The following TRDMT1 variants were observed in gnomAD, a reference collection of about 807,000 sequenced individuals.
The protein encoded by TRDMT1 is tRNA aspartic acid methyltransferase 1, also known as tRNA (cytosine(38)-C(5))-methyltransferase.
TRDMT1 carries 49 observed loss-of-function variants against 51.2 expected under a neutral mutation model. The ratio of observed to expected loss-of-function variants is 0.96; its 90% CI spans 0.76 to 1.21. The LOEUF (loss-of-function observed/expected upper bound fraction) is 1.21. Among genes scored for constraint, TRDMT1 ranks in the 50% most tolerant of loss-of-function variants. The pLI, the probability that TRDMT1 is intolerant of heterozygous loss-of-function variation, is 0.00. For synonymous variants in TRDMT1, 187 were observed against 164.6 expected, an observed-to-expected ratio of 1.14 and a Z score of -1.04; for missense variants, 534 against 462.3, an observed-to-expected ratio of 1.16 and a Z score of -1.42.
chr10:17,145,111 G>A lies in TRDMT1; in HGVS notation c.*3929C>T. The A allele has an allele frequency of 1.7e-6, 1 of 578,696 alleles. No individual in the cohort carries two copies. The highest frequency in any genetic ancestry group is 2.2e-6 in the Non-Finnish European group (1 of 458,500). The allele number at this position is 578,696 out of a possible 1,614,324, so 35.8% of individuals were successfully genotyped here. ...CTAATACAAAAATTAGCTAGGTGTG[G>A]TGGCATGCGCCTGTAATCCCAGCTA... On this transcript the variant is annotated 3_prime_UTR_variant, in exon 11 of 11. Coordinates refer to ENST00000377799, the MANE Select transcript of TRDMT1 (RefSeq NM_004412.7).
rs1358622413 is a variant in TRDMT1, at chr10:17,145,004, T to C, written c.*4036A>G. On this transcript the variant is annotated 3_prime_UTR_variant, in exon 11 of 11. Coordinates refer to ENST00000377799, the MANE Select transcript of TRDMT1 (RefSeq NM_004412.7). Reference sequence around the variant, plus strand: ...GGCTCATGCCTGTAAAACCCAGCACTTAGGGAAGCCAAGGTGGGTGGATTA... The same window carrying C: ...GGCTCATGCCTGTAAAACCCAGCACCTAGGGAAGCCAAGGTGGGTGGATTA... 3.1e-5 allele frequency: 30 copies of C among 982,388 alleles called. No individual in the cohort carries two copies. Among genetic ancestry groups the C allele is most frequent in the Non-Finnish European group, 3.5e-5 (29 of 827,422 alleles). 60.9% of individuals were successfully genotyped at this position (982,388 alleles called of 1,614,324 possible). A position where few individuals can be genotyped will look rare whatever the true frequency, so the allele number is the denominator to read the frequency against.
chr10:17,201,468 A>AGTGTCCGCCCCACC, intron 1 of TRDMT1, 103 bp downstream of exon 1: 8 of 1,273,452 alleles, frequency 6.3e-6, no homozygotes, highest in African/African-American at 1.5e-5. Flanking sequence ...TCCGCCCCAC[A>AGTGTCCGCCCCACC]GTGTCCGCCC....
intron 2 of TRDMT1, chr10:17,171,792 C>G (rs1238251516): frequency 6.6e-6 from 1 of 152,406 alleles, no homozygotes; most frequent in African/African-American, 2.4e-5. Flanking sequence ...CAGCTTCATT[C>G]CTGGGTTTTC....
At position 17,161,513 on chromosome 10, in the gene TRDMT1, T is replaced by C. The variant is rs771272604; in HGVS notation, c.359A>G (p.Asn120Ser). 2.2e-6 allele frequency: 3 copies of C among 1,351,484 alleles called. No individual in the cohort carries two copies. The highest frequency in any genetic ancestry group is 3.0e-6 in the Non-Finnish European group (3 of 998,852). 83.7% of individuals were successfully genotyped at this position (1,351,484 alleles called of 1,614,324 possible). ...QKLPKYILLENVKGFEVSSTR... is the reference protein window; with the variant it reads ...QKLPKYILLESVKGFEVSSTR... ...AGAAGATACTTCAAAACCTTTAACA[T>C]TTTCCAAAAGAATATACTTTGGTAA... The change falls in exon 5 of 11, where the codon AAT (asparagine) becomes AGT (serine). Residue 120 changes from asparagine (N) to serine (S), a missense_variant. Physicochemically the swap from Asn to Ser is conservative, Grantham distance 46. Transcript: ENST00000377799.
intron 1 of TRDMT1, among the ~76,000 whole-genome samples, chr10:17,188,460 ACGCTGG>A (rs3055384): frequency 0.95 from 143,839 of 151,838 alleles, 68,510 homozygotes; most frequent in Non-Finnish European, 1. Context: ...AGCATGACTG[ACGCTGG>A]CGCTGGCTCT....
chr10:17,174,725 A>C, intron 1 of TRDMT1, 65 bp from the exon 2 acceptor site: 1 of 1,203,776 alleles, frequency 8.3e-7, no homozygotes. Flanking sequence ...AAGAAATCAA[A>C]ATAGCAGAAT....
chr10:17,144,162 TTC>T lies in TRDMT1; in HGVS notation c.*4876_*4877del, dbSNP rs1215788845. 2.4e-5 allele frequency: 24 copies of T among 985,512 alleles called. No individual in the cohort carries two copies. The highest frequency in any genetic ancestry group is 2.9e-5 in the Non-Finnish European group (24 of 829,962). 61.0% of individuals were successfully genotyped at this position (985,512 alleles called of 1,614,324 possible). The stretch of plus-strand genomic sequence containing the variant: ...CAGCTCCAAGCCTCTGCTCTTCTTT[TTC>T]TCTTTCTCTCTTTCACTCTCATCCT... On this transcript the variant is annotated 3_prime_UTR_variant, in exon 11 of 11. Transcript: ENST00000377799.
At chr10:17,188,509 C>T (rs1844244089) in intron 1 of TRDMT1, among the ~76,000 whole-genome samples, 1 of 152,090 alleles carries the variant, frequency 6.6e-6, no homozygotes, top group South Asian at 2.1e-4. Context: ...ACAACGAATC[C>T]CTGCTCCCAC....
chr10:17,194,733 G>T (rs560659360), intron 1 of TRDMT1, among the ~76,000 whole-genome samples: 2 of 152,174 alleles, frequency 1.3e-5, no homozygotes, highest in South Asian at 4.2e-4. Flanking sequence ...AGGAGTTCCA[G>T]ACCAGCCTGG....
chr10:17,166,026 T>C (rs1353355947), intron 3 of TRDMT1, among the ~76,000 whole-genome samples: 3 of 152,146 alleles, frequency 2.0e-5, no homozygotes, highest in Non-Finnish European at 2.9e-5. Context: ...ACTGGGTATA[T>C]ACCCAAAGGA....
In TRDMT1 at chr10:17,146,669, T is replaced by C; in HGVS notation, c.*2371A>G. The stretch of plus-strand genomic sequence containing the variant: ...ACTGTAAGGTATGGTGAAGACTGAA[T>C]TACACATAGTTCTCCTGAAAATGAG... On this transcript the variant is annotated 3_prime_UTR_variant, in exon 11 of 11. Transcript: ENST00000377799. 1.0e-6 allele frequency: 1 copy of C among 985,348 alleles called. No individual in the cohort carries two copies. 61.0% of individuals were successfully genotyped at this position (985,348 alleles called of 1,614,324 possible).
chr10:17,147,092 T>C lies in TRDMT1; in HGVS notation c.*1948A>G, dbSNP rs1185442906. ...AACTCGACACTTATTTTGTATAATG[T>C]TGCTCAACCGAATGTGGGATACTAT... On this transcript the variant is annotated 3_prime_UTR_variant, in exon 11 of 11. Coordinates refer to ENST00000377799, the MANE Select transcript of TRDMT1 (RefSeq NM_004412.7). 2 of 985,706 alleles carry C rather than the reference T, an allele frequency of 2.0e-6. No homozygotes were observed. Among genetic ancestry groups the C allele is most frequent in the Non-Finnish European group, 2.4e-6 (2 of 829,902 alleles). The allele number at this position is 985,706 out of a possible 1,614,324, so 61.1% of individuals were successfully genotyped here.
At chr10:17,164,168 C>A (rs1840831310) in intron 3 of TRDMT1, among the ~76,000 whole-genome samples, 1 of 152,156 alleles carries the variant, frequency 6.6e-6, no homozygotes. Flanking sequence ...AGCTTATCCA[C>A]CATGATCAAG....
chr10:17,198,784 T>C (rs992923408), intron 1 of TRDMT1, among the ~76,000 whole-genome samples: 5 of 152,236 alleles, frequency 3.3e-5, no homozygotes, highest in African/African-American at 1.2e-4. Flanking sequence ...TTAAAAATAG[T>C]TTAAATGATA....
rs1383571923 is a variant in TRDMT1 at position 17,138,416 on chromosome 10, C to A, written c.*10624G>T. On this transcript the variant is annotated 3_prime_UTR_variant, in exon 11 of 11. Coordinates refer to ENST00000377799, the MANE Select transcript of TRDMT1 (RefSeq NM_004412.7). ...AGGGCAATATAACATTGTTCCAATT[C>A]TTTCATTTTCCATGAAGGATTACAT... Among the ~76,000 whole-genome samples the A allele has an allele frequency of 6.6e-6, 1 of 152,152 alleles. No homozygotes were observed.
rs1300476540 is a variant in TRDMT1, at chr10:17,146,618, G to A, written c.*2422C>T. On this transcript the variant is annotated 3_prime_UTR_variant, in exon 11 of 11. Transcript: ENST00000377799. ...GCCGTTTAAAAGAGCAGGGATGATG[G>A]GAAAAGGAGAACGAAAAATCGGTTT... 5.1e-6 allele frequency: 5 copies of A among 985,162 alleles called. No individual in the cohort carries two copies. Among genetic ancestry groups the A allele is most frequent in the Non-Finnish European group, 6.0e-6 (5 of 829,872 alleles). 61.0% of individuals were successfully genotyped at this position (985,162 alleles called of 1,614,324 possible).
At position 17,141,779 on chromosome 10, in the gene TRDMT1, C is replaced by A. The variant is rs888760749; in HGVS notation, c.*7261G>T. 5.9e-5 allele frequency among the ~76,000 whole-genome samples: 9 copies of A among 152,282 alleles called. No homozygotes were observed. Among genetic ancestry groups the A allele is most frequent in the Middle Eastern group, 3.4e-3 (1 of 294 alleles). ...ACAGATTCAAGAAGGTGAATGAACA[C>A]CAAACAGGATATTACATTCACTTTG... On this transcript the variant is annotated 3_prime_UTR_variant, in exon 11 of 11. Transcript: ENST00000377799.
At position 17,144,716 on chromosome 10, in the gene TRDMT1, G is replaced by C. The variant is rs1837955373; in HGVS notation, c.*4324C>G. ...TGGTGATGGAGTTTGGATCTTGATT[G>C]TGTAAGATTTTGAAGAGCATGAGTA... On this transcript the variant is annotated 3_prime_UTR_variant, in exon 11 of 11. Coordinates refer to ENST00000377799, the MANE Select transcript of TRDMT1 (RefSeq NM_004412.7). 1.0e-6 allele frequency: 1 copy of C among 985,300 alleles called. No homozygotes were observed. The highest frequency in any genetic ancestry group is 1.7e-5 in the African/African-American group (1 of 57,240). 61.0% of individuals were successfully genotyped at this position (985,300 alleles called of 1,614,324 possible). A position where few individuals can be genotyped will look rare whatever the true frequency, so the allele number is the denominator to read the frequency against.
At chr10:17,198,042 AAAAG>A (rs1444410424) in intron 1 of TRDMT1, among the ~76,000 whole-genome samples, 1 of 152,052 alleles carries the variant, frequency 6.6e-6, no homozygotes, top group African/African-American at 2.4e-5. Flanking sequence ...CTCAAAAAAA[AAAAG>A]AAAGAAAAAG....
Sources: gnomAD v4.1 joint callset for allele counts (sites outside exome capture counted in the v4.1 genomes callset) on GRCh38, gnomAD v4.1.1 for gene constraint, MANE v1.5 for transcripts, NCBI Gene and HGNC (gene_info 2026-07-23, HGNC 2026-07-21) for gene names.